CATSPER3: variants seen among roughly 807,000 people sequenced by gnomAD.
CATSPER3 encodes cation channel sperm-associated protein 3.
In CATSPER3, 23 loss-of-function variants were observed where a neutral mutation model predicts 36.6. The observed-to-expected ratio is 0.63, with a 90% CI of 0.45 to 0.89. The LOEUF is 0.89. Among genes scored for constraint, CATSPER3 ranks in the 40% least tolerant of loss-of-function variants. The probability of loss-of-function intolerance (pLI) is 0.00; values close to 1 mark genes in which losing one functional copy is unlikely to be tolerated. For synonymous variants in CATSPER3, 172 were observed against 184.1 expected, an observed-to-expected ratio of 0.93 and a Z score of 0.53; for missense variants, 474 against 503.9, an observed-to-expected ratio of 0.94 and a Z score of 0.57.
chr5:135,008,814 T>G, intron 4 of CATSPER3, 27 bp from the exon 5 acceptor site: 1 of 1,612,836 alleles, frequency 6.2e-7, no homozygotes. Flanking sequence ...GTCTGGGCCC[T>G]CAGCATACTC....
intron 2 of CATSPER3, among the ~76,000 whole-genome samples, chr5:134,972,875 A>G (rs1021332570): frequency 2.6e-5 from 4 of 152,184 alleles, no homozygotes; most frequent in Non-Finnish European, 5.9e-5. Context: ...TAAAGGAAAG[A>G]GGGGGTGAAG....
At chr5:134,979,216 A>G (rs1315333589) in intron 2 of CATSPER3, among the ~76,000 whole-genome samples, 2 of 152,054 alleles carry the variant, frequency 1.3e-5, no homozygotes, top group African/African-American at 4.8e-5. Context: ...AGATCGTTGC[A>G]GCCTCAGCTG....
chr5:134,988,755 T>C (rs567524487), intron 2 of CATSPER3, among the ~76,000 whole-genome samples: 1 of 152,164 alleles, frequency 6.6e-6, no homozygotes, highest in Admixed American at 6.6e-5. Flanking sequence ...TCCACGAGGG[T>C]TGGAATCAAC....
chr5:135,002,746 G>A (rs966293638), intron 3 of CATSPER3, among the ~76,000 whole-genome samples: 5 of 152,008 alleles, frequency 3.3e-5, no homozygotes, highest in South Asian at 2.1e-4. Context: ...TGATTGAATC[G>A]GCTACTGAAG....
At chr5:135,007,805 C>CCT in intron 3 of CATSPER3, 152 bp from the exon 4 acceptor site, 3 of 47,930 alleles carry the variant, frequency 6.3e-5, no homozygotes, top group South Asian at 3.8e-4. Context: ...AACCAACCAA[C>CCT]CCACCCACCC....
At chr5:134,969,015 T>C (rs1311979883) in intron 1 of CATSPER3, 1 of 152,194 alleles carries the variant, frequency 6.6e-6, no homozygotes, top group Non-Finnish European at 1.5e-5. Context: ...ACAAAAGATA[T>C]AAAAATGGAT....
intron 2 of CATSPER3, among the ~76,000 whole-genome samples, chr5:134,977,012 C>T (rs1189833538): frequency 1.3e-5 from 2 of 152,202 alleles, no homozygotes; most frequent in Non-Finnish European, 2.9e-5. Flanking sequence ...ATCATTCAGT[C>T]CTCTTAGGCC....
chr5:134,976,022 C>G (rs941691603), intron 2 of CATSPER3, among the ~76,000 whole-genome samples: 1 of 152,106 alleles, frequency 6.6e-6, no homozygotes. Context: ...AAGCCAAGCA[C>G]AGAAGAACAA....
chr5:135,009,041 G>A, intron 5 of CATSPER3, 60 bp downstream of exon 5: 1 of 1,611,594 alleles, frequency 6.2e-7, no homozygotes, highest in Non-Finnish European at 8.5e-7. Flanking sequence ...GAGCTGTAGG[G>A]CAAGTCTCCA....
intron 2 of CATSPER3, among the ~76,000 whole-genome samples, chr5:134,984,654 T>C (rs945013844): frequency 2.0e-5 from 3 of 152,154 alleles, no homozygotes; most frequent in African/African-American, 7.2e-5. Context: ...GAAAAGGAAA[T>C]GCTTATACAT....
Position 134,996,530 on chromosome 5 carries a change from G to A in CATSPER3, c.492+18G>A, listed in dbSNP as rs373052820. The A allele has an allele frequency of 1.1e-5, 17 of 1,612,964 alleles. No individual in the cohort carries two copies. The African/African-American group carries it at 2.1e-4, about 20-fold the overall frequency. ...GCATCCGGGTGAGTGCACTGGGGGT[G>A]TCATGGTGCTGGGAGGGCAGGCCGT... On this transcript the variant is annotated intron_variant, in intron 3 of 7. Coordinates refer to ENST00000282611, the MANE Select transcript of CATSPER3 (RefSeq NM_178019.3).
At chr5:134,974,435 A>C (rs1433638779) in intron 2 of CATSPER3, among the ~76,000 whole-genome samples, 1 of 152,196 alleles carries the variant, frequency 6.6e-6, no homozygotes. Flanking sequence ...ATAGTGGTTA[A>C]TTTTGGGTGG....
chr5:134,977,464 A>AT lies in CATSPER3; in HGVS notation c.252+7374dup, dbSNP rs1443538150. Among the ~76,000 whole-genome samples, 3 of 152,200 alleles carry AT rather than the reference A, an allele frequency of 2.0e-5. No homozygotes were observed. The East Asian group carries it at 5.8e-4, about 29-fold the overall frequency. On this transcript the variant is annotated intron_variant, in intron 2 of 7. Coordinates refer to ENST00000282611, the MANE Select transcript of CATSPER3 (RefSeq NM_178019.3). ...CTAAGGGATAACAAGGGTGACCTTT[A>AT]TTGTAGTTCTCAATAGACTCCACAT...
intron 2 of CATSPER3, among the ~76,000 whole-genome samples, chr5:134,984,328 G>A (rs1751783424): frequency 6.6e-6 from 1 of 152,120 alleles, no homozygotes; most frequent in Non-Finnish European, 1.5e-5. Flanking sequence ...ATCAGAGTAA[G>A]TAGACAACAT....
At chr5:135,007,819 C>CCCCCCT in intron 3 of CATSPER3, 138 bp from the exon 4 acceptor site, 1 of 399,248 alleles carries the variant, frequency 2.5e-6, no homozygotes, top group Non-Finnish European at 5.0e-6. Flanking sequence ...CCCACCCACC[C>CCCCCCT]TTATTGAGCA....
intron 2 of CATSPER3, among the ~76,000 whole-genome samples, chr5:134,977,489 T>C (rs1035210518): frequency 3.3e-5 from 5 of 149,572 alleles, no homozygotes; most frequent in African/African-American, 1.0e-4. Context: ...AGACTCCACA[T>C]TTCCATCTGA....
At chr5:135,005,741 G>A (rs1018913680) in intron 3 of CATSPER3, among the ~76,000 whole-genome samples, 12 of 152,336 alleles carry the variant, frequency 7.9e-5, no homozygotes, top group African/African-American at 2.9e-4. Context: ...ATGAGGAAAT[G>A]CTGTTTTGCA....
intron 2 of CATSPER3, among the ~76,000 whole-genome samples, chr5:134,971,137 G>A (rs1751600853): frequency 6.6e-6 from 1 of 152,104 alleles, no homozygotes; most frequent in African/African-American, 2.4e-5. Context: ...GTTTAGTAGA[G>A]ATGGGGTTTC....
chr5:135,005,702 C>T (rs1051037833), intron 3 of CATSPER3, among the ~76,000 whole-genome samples: 7 of 152,264 alleles, frequency 4.6e-5, no homozygotes, highest in Non-Finnish European at 7.3e-5. Flanking sequence ...TGACACTCTG[C>T]CTTCTACCTA....
Sources: allele counts gnomAD v4.1 joint callset (sites outside exome capture counted in the v4.1 genomes callset), GRCh38; gene constraint gnomAD v4.1.1; transcripts MANE v1.5; gene names NCBI Gene and HGNC (gene_info 2026-07-23, HGNC 2026-07-21).